Variants in GRIN2A observed in about 807,000 individuals in gnomAD.
GRIN2A encodes glutamate ionotropic receptor NMDA type subunit 2A.
A neutral mutation model predicts 113.4 loss-of-function variants in GRIN2A; 22 were observed. The ratio of observed to expected loss-of-function variants is 0.19; its 90% CI spans 0.14 to 0.28. The LOEUF (loss-of-function observed/expected upper bound fraction) is 0.28. Among genes scored for constraint, GRIN2A ranks in the 10% least tolerant of loss-of-function variants. The pLI is 1.00. For missense variants in GRIN2A, 1,502 were observed against 1,887.0 expected, an observed-to-expected ratio of 0.80 and a Z score of 3.78; for synonymous variants, 827 against 738.4, an observed-to-expected ratio of 1.12 and a Z score of -1.94.
chr16:10,026,211 C>T (rs1471441486), intron 2 of GRIN2A, among the ~76,000 whole-genome samples: 1 of 152,218 alleles, frequency 6.6e-6, no homozygotes, highest in East Asian at 1.9e-4. Context: ...CAAATCCCAA[C>T]TTAGGTTCTC....
At chr16:9,857,073 AG>A (rs779150869) in intron 4 of GRIN2A, among the ~76,000 whole-genome samples, 18 of 152,208 alleles carry the variant, frequency 1.2e-4, no homozygotes, top group Non-Finnish European at 2.5e-4. Context: ...GAAAACTATC[AG>A]AAAAATTCCA....
intron 2 of GRIN2A, among the ~76,000 whole-genome samples, chr16:9,952,784 A>G (rs1435956638): frequency 6.6e-6 from 1 of 152,164 alleles, no homozygotes; most frequent in Non-Finnish European, 1.5e-5. Flanking sequence ...GATTGGATTA[A>G]AGACATTCAA....
At chr16:9,765,657 GC>G (rs1173079454) in intron 12 of GRIN2A, among the ~76,000 whole-genome samples, 8 of 152,150 alleles carry the variant, frequency 5.3e-5, no homozygotes, top group Non-Finnish European at 7.4e-5. Flanking sequence ...GAAAAGTAGA[GC>G]CCAAGAGATA....
rs376560924 is a variant in GRIN2A, at chr16:9,905,780, C to T, written c.1008-14680G>A. Among the ~76,000 whole-genome samples, 4 of 152,142 alleles carry T rather than the reference C, an allele frequency of 2.6e-5. No homozygotes were observed. The East Asian group carries it at 7.7e-4, about 29-fold the overall frequency. On this transcript the variant is annotated intron_variant, in intron 3 of 12. Coordinates refer to ENST00000330684, the MANE Select transcript of GRIN2A (RefSeq NM_001134407.3). Reference sequence around the variant, plus strand: ...GGGGAGGGGTGCACCTGTCCCATGGCGGATCAATTAGATTCTGTCTCCTAG... The same window carrying T: ...GGGGAGGGGTGCACCTGTCCCATGGTGGATCAATTAGATTCTGTCTCCTAG...
intron 11 of GRIN2A, among the ~76,000 whole-genome samples, chr16:9,772,069 G>C (rs1156255031): frequency 6.6e-6 from 1 of 152,088 alleles, no homozygotes; most frequent in Non-Finnish European, 1.5e-5. Flanking sequence ...TCCCTTTCCA[G>C]TTCCTCACCC....
intron 2 of GRIN2A, chr16:10,111,411 C>G (rs554505663): frequency 3.9e-6 from 2 of 519,358 alleles, no homozygotes; most frequent in East Asian, 7.6e-5. Flanking sequence ...GTGGCGGCAC[C>G]GGCTACGTGC....
intron 2 of GRIN2A, among the ~76,000 whole-genome samples, chr16:10,073,100 C>T (rs925033978): frequency 3.3e-5 from 5 of 151,946 alleles, no homozygotes; most frequent in Non-Finnish European, 5.9e-5. Context: ...GGATTACAGG[C>T]ACCCACCGCC....
chr16:9,828,775 G>A (rs1428552364), intron 9 of GRIN2A, among the ~76,000 whole-genome samples: 1 of 152,100 alleles, frequency 6.6e-6, no homozygotes, highest in Non-Finnish European at 1.5e-5. Context: ...GATGTGGGAA[G>A]TACAGCCCTA....
intron 10 of GRIN2A, among the ~76,000 whole-genome samples, chr16:9,805,058 G>A (rs576925936): frequency 1.8e-5 from 2 of 112,890 alleles, no homozygotes; most frequent in East Asian, 5.2e-4. Context: ...CCTTTAGTCA[G>A]TGGGTCTCTC....
intron 2 of GRIN2A, among the ~76,000 whole-genome samples, chr16:9,990,543 ACACG>A (rs145261922): frequency 0.027 from 3,227 of 119,936 alleles, 51 homozygotes; most frequent in African/African-American, 0.043. Flanking sequence ...CTCTCTCTCT[ACACG>A]CGCGCGCGCG....
At chr16:10,069,454 T>C (rs2047710276) in intron 2 of GRIN2A, among the ~76,000 whole-genome samples, 1 of 152,136 alleles carries the variant, frequency 6.6e-6, no homozygotes. Context: ...GCTCAAGTGG[T>C]AGAGCAAGAG....
chr16:10,145,500 A>G (rs2049420366), intron 2 of GRIN2A, among the ~76,000 whole-genome samples: 1 of 138,366 alleles, frequency 7.2e-6, no homozygotes, highest in Non-Finnish European at 1.6e-5. Flanking sequence ...TTAGATGTCA[A>G]TGCAGCTGTT....
chr16:9,788,565 C>A (rs1465857735), intron 11 of GRIN2A, among the ~76,000 whole-genome samples: 1 of 151,744 alleles, frequency 6.6e-6, no homozygotes, highest in African/African-American at 2.4e-5. Flanking sequence ...GCCTTCTTTT[C>A]TCTTCTTTAT....
chr16:9,957,323 G>A (rs2045331407), intron 2 of GRIN2A, among the ~76,000 whole-genome samples: 1 of 152,146 alleles, frequency 6.6e-6, no homozygotes. Context: ...ATATAGGATT[G>A]AGCTCCAAAC....
intron 12 of GRIN2A, among the ~76,000 whole-genome samples, chr16:9,768,220 TTG>T (rs1901037974): frequency 6.6e-6 from 1 of 151,774 alleles, no homozygotes; most frequent in Non-Finnish European, 1.5e-5. Flanking sequence ...GGCTAATTTT[TTG>T]TGTTTTTAGT....
At chr16:10,099,916 G>C (rs564296495) in intron 2 of GRIN2A, among the ~76,000 whole-genome samples, 1 of 151,920 alleles carries the variant, frequency 6.6e-6, no homozygotes, top group Non-Finnish European at 1.5e-5. Context: ...CCATTCTTAC[G>C]GAGCTTCATT....
At chr16:9,923,047 C>T (rs4782041) in intron 3 of GRIN2A, among the ~76,000 whole-genome samples, 110,819 of 152,022 alleles carry the variant, frequency 0.73, 42,337 homozygotes, top group African/African-American at 0.9. Context: ...TAACTTTGCT[C>T]GTTCTAGCAA....
chr16:9,815,819 C>T lies in GRIN2A; in HGVS notation c.2168+6445G>A, dbSNP rs553607749. 4.9e-4 allele frequency among the ~76,000 whole-genome samples: 74 copies of T among 152,332 alleles called. 1 individual carries two copies. The highest frequency in any genetic ancestry group is 3.4e-3 in the Middle Eastern group (1 of 294). On this transcript the variant is annotated intron_variant, in intron 10 of 12. Transcript: ENST00000330684. Reference sequence around the variant, plus strand: ...TCTCAAAAATATATTCACACATCTACGTTCACAGAAGCATGATTCAAAATA... The same window carrying T: ...TCTCAAAAATATATTCACACATCTATGTTCACAGAAGCATGATTCAAAATA...
At chr16:9,911,830 G>C (rs2044145191) in intron 3 of GRIN2A, among the ~76,000 whole-genome samples, 1 of 152,134 alleles carries the variant, frequency 6.6e-6, no homozygotes, top group African/African-American at 2.4e-5. Context: ...TACACTTTTG[G>C]GAAGTTTCTA....
Sources: allele counts gnomAD v4.1 joint callset (sites outside exome capture counted in the v4.1 genomes callset), GRCh38; gene constraint gnomAD v4.1.1; transcripts MANE v1.5; gene names NCBI Gene and HGNC (gene_info 2026-07-23, HGNC 2026-07-21).